TENM3: variants seen among roughly 807,000 people sequenced by gnomAD.
TENM3 encodes the protein teneurin-3.
In TENM3, 63 loss-of-function variants were observed where a neutral mutation model predicts 255.1. The observed-to-expected ratio is 0.25, with a 90% CI of 0.20 to 0.30. The LOEUF (loss-of-function observed/expected upper bound fraction) is 0.30. TENM3 is among the 10% of genes least tolerant of loss of function. The probability of loss-of-function intolerance (pLI) is 1.00; values close to 1 mark genes in which losing one functional copy is unlikely to be tolerated. For synonymous variants in TENM3, 1,306 were observed against 1,322.3 expected (o/e 0.99, Z 0.27); for missense variants, 2,929 against 3,461.1 (o/e 0.85, Z 3.86).
chr4:182,302,544 A>G (rs1337798076), intron 1 of TENM3, among the ~76,000 whole-genome samples: 4 of 151,484 alleles, frequency 2.6e-5, no homozygotes, highest in African/African-American at 9.8e-5. Context: ...ACAAAACTAA[A>G]TGTCTTTTTT....
At chr4:181,495,270 T>C in the TENM3 span, among the ~76,000 whole-genome samples, 2 of 151,356 alleles carry the variant, frequency 1.3e-5, no homozygotes, top group African/African-American at 4.9e-5. Context: ...ACTAAAGGAG[T>C]CATAGGAGTT....
chr4:182,491,316 G>A (rs929161612), intron 3 of TENM3, among the ~76,000 whole-genome samples: 1 of 152,062 alleles, frequency 6.6e-6, no homozygotes, highest in Non-Finnish European at 1.5e-5. Context: ...TTTCCCTAAT[G>A]TATGTCACTG....
At chr4:182,291,843 C>T (rs918188981) in intron 1 of TENM3, among the ~76,000 whole-genome samples, 5 of 152,064 alleles carry the variant, frequency 3.3e-5, no homozygotes, top group East Asian at 1.9e-4. Context: ...ATATTGTCTC[C>T]AGGCGCTCTA....
chr4:182,100,640 T>TACATATATACAC, the TENM3 span, among the ~76,000 whole-genome samples: 1 of 50,836 alleles, frequency 2.0e-5, no homozygotes, highest in Non-Finnish European at 3.8e-5. Flanking sequence ...TATATACACA[T>TACATATATACAC]ATATATACAC....
chr4:182,073,415 A>G, the TENM3 span, among the ~76,000 whole-genome samples: 1 of 152,188 alleles, frequency 6.6e-6, no homozygotes, highest in Non-Finnish European at 1.5e-5. Flanking sequence ...GACACAGAGA[A>G]CAGGTGGCCA....
At position 182,746,009 on chromosome 4, in the gene TENM3, G is replaced by A. The variant is rs552192911; in HGVS notation, c.3629+2590G>A. Among the ~76,000 whole-genome samples the A allele has an allele frequency of 6.8e-4, 104 of 152,270 alleles. 1 individual carries two copies. In the South Asian group the frequency reaches 0.021, roughly 31 times the overall value. ...TTCCTTTATGTGCCATGCATGAAGA[G>A]TACACTTTTTGGGTTTTATATGGAT... On this transcript the variant is annotated intron_variant, in intron 19 of 27. Coordinates refer to ENST00000511685, the MANE Select transcript of TENM3 (RefSeq NM_001080477.4).
the TENM3 span, among the ~76,000 whole-genome samples, chr4:181,920,360 A>G: frequency 1.3e-5 from 2 of 151,872 alleles, no homozygotes; most frequent in Non-Finnish European, 2.9e-5. Context: ...ACAGTGTAAA[A>G]GTGTTCCTAT....
At chr4:182,624,108 A>T (rs1354790618) in intron 4 of TENM3, among the ~76,000 whole-genome samples, 1 of 152,114 alleles carries the variant, frequency 6.6e-6, no homozygotes, top group African/African-American at 2.4e-5. Flanking sequence ...TCACGCGGGG[A>T]GGCCAGGAGC....
At chr4:181,755,542 A>G in the TENM3 span, among the ~76,000 whole-genome samples, 1 of 152,262 alleles carries the variant, frequency 6.6e-6, no homozygotes, top group South Asian at 2.1e-4. Context: ...GCTTGAGTCT[A>G]AACACAAAGT....
the TENM3 span, among the ~76,000 whole-genome samples, chr4:181,988,507 C>G: frequency 6.6e-6 from 1 of 152,022 alleles, no homozygotes; most frequent in Non-Finnish European, 1.5e-5. Flanking sequence ...TCTATTGTCA[C>G]CACTCTTCTT....
At chr4:181,888,523 T>TATAC in the TENM3 span, among the ~76,000 whole-genome samples, 1 of 94,384 alleles carries the variant, frequency 1.1e-5, no homozygotes. Context: ...TATGTATATA[T>TATAC]ATACATATAT....
chr4:181,509,219 A>G, the TENM3 span, among the ~76,000 whole-genome samples: 2 of 152,134 alleles, frequency 1.3e-5, no homozygotes, highest in African/African-American at 4.8e-5. Context: ...CTTTATTTAC[A>G]GAGGTCAAAA....
the TENM3 span, among the ~76,000 whole-genome samples, chr4:181,850,916 G>A: frequency 1.3e-5 from 2 of 152,094 alleles, no homozygotes; most frequent in Non-Finnish European, 2.9e-5. Flanking sequence ...AAACTATTTA[G>A]TTTTCAAATT....
At chr4:181,833,928 G>C in the TENM3 span, among the ~76,000 whole-genome samples, 4 of 152,050 alleles carry the variant, frequency 2.6e-5, no homozygotes, top group African/African-American at 9.7e-5. Context: ...ATTAAATCTT[G>C]CTTTCAAAAT....
intron 1 of TENM3, among the ~76,000 whole-genome samples, chr4:182,175,918 C>A (rs6552546): frequency 6.7e-6 from 1 of 148,274 alleles, no homozygotes; most frequent in East Asian, 2.2e-4. Context: ...CCCCGCCCCC[C>A]ACCCTGCCGC....
At chr4:182,160,691 G>T (rs1211399894) in intron 1 of TENM3, among the ~76,000 whole-genome samples, 1 of 152,160 alleles carries the variant, frequency 6.6e-6, no homozygotes, top group Admixed American at 6.5e-5. Context: ...ATGGGACATG[G>T]GGAAGGGGAG....
rs201177876 is a variant in TENM3, at chr4:182,400,068, A to AT, written c.511+53146dup. Among the ~76,000 whole-genome samples, 1,270 of 152,102 alleles carry AT rather than the reference A, an allele frequency of 8.3e-3. 65 individuals are homozygous for AT. Among genetic ancestry groups the AT allele is most frequent in the Admixed American group, 0.071 (1,087 of 15,270 alleles). ...ATATTTTCTTTTATTTTCTGTCTCCATTTTTTTGTTATACTTCAGAGACCT... is the reference window on the plus strand; with the variant it reads ...ATATTTTCTTTTATTTTCTGTCTCCATTTTTTTTGTTATACTTCAGAGACCT... On this transcript the variant is annotated intron_variant, in intron 3 of 27. Coordinates refer to ENST00000511685, the MANE Select transcript of TENM3 (RefSeq NM_001080477.4).
intron 1 of TENM3, among the ~76,000 whole-genome samples, chr4:182,204,949 TC>T (rs1482925352): frequency 6.6e-5 from 10 of 152,228 alleles, no homozygotes; most frequent in African/African-American, 2.4e-4. Context: ...GTTCTCCATT[TC>T]CCAGCAAGCT....
At chr4:182,448,823 G>T (rs1773168398) in intron 3 of TENM3, among the ~76,000 whole-genome samples, 1 of 151,250 alleles carries the variant, frequency 6.6e-6, no homozygotes, top group African/African-American at 2.4e-5. Flanking sequence ...AGGCGAGGGG[G>T]TGAGGCGGCG....
Sources: allele counts gnomAD v4.1 joint callset (sites outside exome capture counted in the v4.1 genomes callset), GRCh38; gene constraint gnomAD v4.1.1; transcripts MANE v1.5; gene names NCBI Gene and HGNC (gene_info 2026-07-23, HGNC 2026-07-21).